Variants in ZNF385D observed in about 807,000 individuals in gnomAD.
The protein encoded by ZNF385D is zinc finger protein 385D.
In ZNF385D, 15 loss-of-function variants were observed where a neutral mutation model predicts 35.8. The ratio of observed to expected loss-of-function variants is 0.42; its 90% CI spans 0.28 to 0.64. The LOEUF (loss-of-function observed/expected upper bound fraction) is 0.64. Among genes scored for constraint, ZNF385D ranks in the 30% least tolerant of loss-of-function variants. The pLI, the probability that ZNF385D is intolerant of heterozygous loss-of-function variation, is 0.23. For synonymous variants in ZNF385D, 212 were observed against 186.8 expected (o/e 1.13, Z -1.10); for missense variants, 474 against 494.6 (o/e 0.96, Z 0.39).
chr3:22,370,719 G>A (rs1160839229), intron 2 of ZNF385D, among the ~76,000 whole-genome samples: 3 of 152,120 alleles, frequency 2.0e-5, no homozygotes, highest in Non-Finnish European at 4.4e-5. Context: ...CCTTTTCCTT[G>A]TCTACGGAAT....
chr3:22,119,613 T>A (rs892903817), intron 3 of ZNF385D, among the ~76,000 whole-genome samples: 2 of 152,116 alleles, frequency 1.3e-5, no homozygotes, highest in African/African-American at 4.8e-5. Context: ...TTTTGATCAT[T>A]TGCTCTGCTT....
intron 3 of ZNF385D, among the ~76,000 whole-genome samples, chr3:22,136,781 C>T (rs1216151621): frequency 6.6e-6 from 1 of 152,044 alleles, no homozygotes; most frequent in Non-Finnish European, 1.5e-5. Context: ...TGTCAAGCCA[C>T]TAAAAGACAT....
intron 2 of ZNF385D, among the ~76,000 whole-genome samples, chr3:21,637,307 T>A (rs6781689): frequency 6.6e-6 from 1 of 152,072 alleles, no homozygotes; most frequent in African/African-American, 2.4e-5. Context: ...CAGGTTTCAT[T>A]CTCCTACAGG....
chr3:22,276,705 T>C (rs1343067009), intron 2 of ZNF385D, among the ~76,000 whole-genome samples: 1 of 152,164 alleles, frequency 6.6e-6, no homozygotes, highest in African/African-American at 2.4e-5. Flanking sequence ...CCACAGAGTA[T>C]TTGCATCTCC....
At chr3:22,337,329 T>C (rs1029123653) in intron 2 of ZNF385D, among the ~76,000 whole-genome samples, 1 of 151,668 alleles carries the variant, frequency 6.6e-6, no homozygotes, top group Admixed American at 6.6e-5. Flanking sequence ...AGGCCAGGAG[T>C]TCAAGACCAG....
At chr3:21,492,473 C>T (rs888308469) in intron 4 of ZNF385D, among the ~76,000 whole-genome samples, 3 of 149,290 alleles carry the variant, frequency 2.0e-5, no homozygotes, top group Non-Finnish European at 4.4e-5. Context: ...TCTTTTACTA[C>T]TCTTCGTATT....
intron 3 of ZNF385D, among the ~76,000 whole-genome samples, chr3:21,814,949 C>A (rs1017875252): frequency 1.3e-5 from 2 of 152,118 alleles, no homozygotes; most frequent in African/African-American, 4.8e-5. Flanking sequence ...CACTCCTCAG[C>A]AAATGTAAAA....
intron 2 of ZNF385D, among the ~76,000 whole-genome samples, chr3:22,328,994 G>T (rs187634888): frequency 0.048 from 6,981 of 146,664 alleles, 231 homozygotes; most frequent in Non-Finnish European, 0.07. Context: ...GGAGAATGGC[G>T]TGAACCCGGG....
chr3:22,000,254 GAGATC>G (rs1695751187), intron 3 of ZNF385D, among the ~76,000 whole-genome samples: 1 of 152,032 alleles, frequency 6.6e-6, no homozygotes, highest in Admixed American at 6.6e-5. Flanking sequence ...GCAGTGAGTG[GAGATC>G]ATGCCACGGC....
intron 3 of ZNF385D, among the ~76,000 whole-genome samples, chr3:22,144,941 C>G (rs1704751486): frequency 6.6e-6 from 1 of 151,924 alleles, no homozygotes; most frequent in Admixed American, 6.6e-5. Flanking sequence ...AGACATGTAA[C>G]ACTTCCTTAT....
chr3:21,751,060 T>G lies in ZNF385D; in HGVS notation c.-144A>C, dbSNP rs2070053838. 2 of 1,532,786 alleles carry G rather than the reference T, an allele frequency of 1.3e-6. No homozygotes were observed. The highest frequency in any genetic ancestry group is 1.8e-6 in the Non-Finnish European group (2 of 1,139,642). 94.9% of individuals were successfully genotyped at this position (1,532,786 alleles called of 1,614,324 possible). A position where few individuals can be genotyped will look rare whatever the true frequency, so the allele number is the denominator to read the frequency against. On this transcript the variant is annotated 5_prime_UTR_variant, in exon 1 of 8. Coordinates refer to ENST00000281523, the MANE Select transcript of ZNF385D (RefSeq NM_024697.3). ...CAGTGAGCGCCGAGAGCGTGCCTCC[T>G]CCGCGGGATGAGCGCCTTGCAGGCT...
chr3:21,908,781 A>G (rs1320398955), intron 3 of ZNF385D, among the ~76,000 whole-genome samples: 1 of 152,134 alleles, frequency 6.6e-6, no homozygotes, highest in Non-Finnish European at 1.5e-5. Flanking sequence ...AGGAATAACT[A>G]GTTCTTTAAA....
chr3:22,297,416 A>T lies in ZNF385D; in HGVS notation c.106+75034T>A, dbSNP rs1702648122. 2.0e-5 allele frequency among the ~76,000 whole-genome samples: 3 copies of T among 152,230 alleles called. No homozygotes were observed. The South Asian group carries it at 6.2e-4, about 32-fold the overall frequency. On this transcript the variant is annotated intron_variant, in intron 2 of 5. Coordinates refer to the ZNF385D transcript ENST00000494108. ...ACACAGAACCTGGAGGAATTCCAGG[A>T]TTCCTCATACCTGGAGCAAAGTCTA... is the stretch of plus-strand genomic sequence containing the variant.
chr3:22,034,811 T>C (rs898330108), intron 3 of ZNF385D, among the ~76,000 whole-genome samples: 4 of 152,146 alleles, frequency 2.6e-5, no homozygotes, highest in African/African-American at 9.6e-5. Context: ...GAAAATATTT[T>C]ACATTTTAAA....
intron 1 of ZNF385D, among the ~76,000 whole-genome samples, chr3:21,742,988 C>T (rs2069590520): frequency 6.6e-6 from 1 of 152,198 alleles, no homozygotes; most frequent in Admixed American, 6.5e-5. Context: ...GTGCTAGGCA[C>T]TTTTATGTGT....
chr3:22,011,601 T>C (rs910637527), intron 3 of ZNF385D, among the ~76,000 whole-genome samples: 10 of 152,054 alleles, frequency 6.6e-5, no homozygotes, highest in African/African-American at 2.4e-4. Context: ...CTGAAGAAAA[T>C]TTTGTAATCT....
intron 2 of ZNF385D, among the ~76,000 whole-genome samples, chr3:22,288,683 C>G (rs1036273479): frequency 6.6e-6 from 1 of 152,058 alleles, no homozygotes. Flanking sequence ...CTTTTGAATT[C>G]TTTGTTGGGT....
intron 3 of ZNF385D, among the ~76,000 whole-genome samples, chr3:21,559,070 CAT>C (rs1359125583): frequency 6.7e-6 from 1 of 149,416 alleles, no homozygotes; most frequent in Admixed American, 6.7e-5. Context: ...TGTTTTTACA[CAT>C]GAGAGTCTCC....
At chr3:21,568,970 T>C (rs2063237996) in intron 2 of ZNF385D, among the ~76,000 whole-genome samples, 1 of 152,186 alleles carries the variant, frequency 6.6e-6, no homozygotes, top group African/African-American at 2.4e-5. Context: ...AGTTTCTAAA[T>C]TGTGATATTT....
Sources: gnomAD v4.1 joint callset for allele counts (sites outside exome capture counted in the v4.1 genomes callset) on GRCh38, gnomAD v4.1.1 for gene constraint, MANE v1.5 for transcripts, NCBI Gene and HGNC (gene_info 2026-07-23, HGNC 2026-07-21) for gene names.